Variants in CDH23 observed in about 807,000 individuals in gnomAD.
CDH23 encodes the protein cadherin-23.
In CDH23, 189 loss-of-function variants were observed where a neutral mutation model predicts 317.1. The observed-to-expected ratio is 0.60, with a 90% CI of 0.53 to 0.67. CDH23 has a LOEUF of 0.67. CDH23 is among the 30% of genes least tolerant of loss of function. CDH23 has a pLI of 0.00. For missense variants in CDH23, 4,401 were observed against 4,592.4 expected, an observed-to-expected ratio of 0.96 and a Z score of 1.20; for synonymous variants, 1,839 against 1,876.8, an observed-to-expected ratio of 0.98 and a Z score of 0.52.
intron 3 of CDH23, among the ~76,000 whole-genome samples, chr10:71,499,708 G>A (rs1181007245): frequency 2.0e-5 from 3 of 146,378 alleles, no homozygotes; most frequent in African/African-American, 7.6e-5. Flanking sequence ...GCATGGTGGT[G>A]CATGCCTGTA....
intron 3 of CDH23, among the ~76,000 whole-genome samples, chr10:71,507,671 G>A (rs1853718824): frequency 6.6e-6 from 1 of 152,216 alleles, no homozygotes; most frequent in Non-Finnish European, 1.5e-5. Context: ...TCCAGCCTGG[G>A]TGACAGAGCG....
In CDH23 at chr10:71,732,449, A is replaced by G. The variant is rs375744327; in HGVS notation, c.4104+74A>G. On this transcript the variant is annotated intron_variant, in intron 32 of 69. Coordinates refer to ENST00000224721, the MANE Select transcript of CDH23 (RefSeq NM_022124.6). ...TTGGTTGAGCTCCTTCTGTGTGCAC[A>G]GCACTCTCCTCTTTGTCATAAAATG... The G allele has an allele frequency of 7.4e-5, 113 of 1,533,900 alleles. 1 individual carries two copies. In the South Asian group the frequency reaches 1.3e-3, roughly 17 times the overall value.
At chr10:71,761,986 C>T (rs752528406) in intron 38 of CDH23, 1 of 1,613,010 alleles carries the variant, frequency 6.2e-7, no homozygotes, top group South Asian at 1.1e-5. Context: ...GACAGACATA[C>T]AGGGAATACG....
intron 14 of CDH23, among the ~76,000 whole-genome samples, chr10:71,667,984 C>T (rs1160273916): frequency 2.0e-5 from 3 of 152,104 alleles, no homozygotes; most frequent in African/African-American, 7.2e-5. Context: ...AAGGTGGCCT[C>T]AGGTTGGGCC....
intron 12 of CDH23, chr10:71,645,531 C>T (rs2132593728): frequency 1.8e-6 from 1 of 547,550 alleles, no homozygotes; most frequent in East Asian, 4.4e-5. Flanking sequence ...GTCACTGGGA[C>T]AGAGAAAGGG....
intron 16 of CDH23, among the ~76,000 whole-genome samples, chr10:71,678,986 C>A (rs1395450961): frequency 6.6e-6 from 1 of 152,110 alleles, no homozygotes; most frequent in East Asian, 1.9e-4. Context: ...GGGTATGCAA[C>A]CCTAGGGCCC....
chr10:71,666,630 T>C (rs149794433), intron 14 of CDH23, among the ~76,000 whole-genome samples: 2 of 152,166 alleles, frequency 1.3e-5, no homozygotes, highest in East Asian at 3.9e-4. Flanking sequence ...GCAGACTGGA[T>C]GGTATTTGCT....
intron 38 of CDH23, among the ~76,000 whole-genome samples, chr10:71,759,984 T>C (rs1391313471): frequency 2.9e-5 from 2 of 69,828 alleles, no homozygotes; most frequent in South Asian, 4.5e-4. Flanking sequence ...CACACACATA[T>C]ATATACACAC....
rs769524849 is a variant in CDH23, at chr10:71,712,814, G to A, written c.3369+1G>A. On this transcript the variant is annotated splice_donor_variant, in intron 28 of 69. Coordinates refer to ENST00000224721, the MANE Select transcript of CDH23 (RefSeq NM_022124.6). LOFTEE classifies it high-confidence loss of function. ...CCCTGAAGGCCACAGCATCTTGCAG[G>A]CAGGTGGCCCGTGGCCTCTGGGGCA... 2 of 1,610,956 alleles carry A rather than the reference G, an allele frequency of 1.2e-6. No homozygotes were observed. Among genetic ancestry groups the A allele is most frequent in the Non-Finnish European group, 1.7e-6 (2 of 1,178,922 alleles).
At chr10:71,784,249 A>G (rs769679914) in intron 41 of CDH23, 38 bp from the exon 42 acceptor site, 2 of 1,599,028 alleles carry the variant, frequency 1.3e-6, no homozygotes, top group Non-Finnish European at 1.7e-6. Context: ...GTTCCTGCCA[A>G]TGCCCGACTA....
chr10:71,715,748 G>A, intron 28 of CDH23: 1 of 488,080 alleles, frequency 2.0e-6, no homozygotes, highest in Non-Finnish European at 3.6e-6. Flanking sequence ...CAGAGAGGAA[G>A]GTGCTCTTCT....
intron 6 of CDH23, among the ~76,000 whole-genome samples, chr10:71,530,266 G>A (rs533025282): frequency 2.6e-5 from 4 of 152,294 alleles, no homozygotes. Context: ...TGGGGGCTCT[G>A]GACCCGTCGG....
chr10:71,540,205 G>A (rs1470722538), intron 6 of CDH23, among the ~76,000 whole-genome samples: 1 of 152,188 alleles, frequency 6.6e-6, no homozygotes, highest in Non-Finnish European at 1.5e-5. Context: ...CTCACGTGCA[G>A]ACCAGAGTGC....
intron 38 of CDH23, among the ~76,000 whole-genome samples, chr10:71,762,905 C>A (rs1840431855): frequency 6.6e-6 from 1 of 152,228 alleles, no homozygotes; most frequent in Non-Finnish European, 1.5e-5. Context: ...CCCTGGTCCA[C>A]TTTGCCTTAT....
intron 3 of CDH23, among the ~76,000 whole-genome samples, chr10:71,495,042 C>T (rs1852884122): frequency 6.6e-6 from 1 of 152,108 alleles, no homozygotes; most frequent in South Asian, 2.1e-4. Context: ...GAGCCCCAGC[C>T]CTGCCCCTGA....
chr10:71,418,657 C>T (rs959197503), intron 1 of CDH23, among the ~76,000 whole-genome samples: 6 of 152,172 alleles, frequency 3.9e-5, no homozygotes, highest in African/African-American at 1.2e-4. Flanking sequence ...TTCTCTGGAT[C>T]GTCATACCGT....
Position 71,707,375 on chromosome 10 carries a change from G to A in CDH23, c.3106+326G>A, listed in dbSNP as rs369249651. 1.0e-4 allele frequency: 139 copies of A among 1,362,740 alleles called. 1 individual carries two copies. Among genetic ancestry groups the A allele is most frequent in the African/African-American group, 8.0e-4 (55 of 68,826 alleles). The allele number at this position is 1,362,740 out of a possible 1,614,324, so 84.4% of individuals were successfully genotyped here. ...GGAGGAGCCCTGAGCCCCACTCCCCGCCCCAAGTCTGGGTGACAGAGCAGT... is the reference window on the plus strand; with the variant it reads ...GGAGGAGCCCTGAGCCCCACTCCCCACCCCAAGTCTGGGTGACAGAGCAGT... On this transcript the variant is annotated intron_variant, in intron 26 of 69. Coordinates refer to ENST00000224721, the MANE Select transcript of CDH23 (RefSeq NM_022124.6).
At chr10:71,735,994 C>T (rs891372389) in intron 34 of CDH23, among the ~76,000 whole-genome samples, 1 of 152,260 alleles carries the variant, frequency 6.6e-6, no homozygotes, top group Non-Finnish European at 1.5e-5. Flanking sequence ...TTCATTCATA[C>T]AATGGGCCCA....
intron 11 of CDH23, among the ~76,000 whole-genome samples, chr10:71,638,269 C>T (rs1044944162): frequency 5.3e-5 from 8 of 152,128 alleles, no homozygotes; most frequent in Non-Finnish European, 7.4e-5. Context: ...CTTAACATTG[C>T]GTCACGCCCC....
Sources: allele counts gnomAD v4.1 joint callset (sites outside exome capture counted in the v4.1 genomes callset), GRCh38; gene constraint gnomAD v4.1.1; transcripts MANE v1.5; gene names NCBI Gene and HGNC (gene_info 2026-07-23, HGNC 2026-07-21).